Variants in SPATS2L observed in about 807,000 individuals in gnomAD.
The protein encoded by SPATS2L is spermatogenesis associated serine rich 2 like, also known as SPATS2-like protein.
SPATS2L carries 30 observed loss-of-function variants against 59.6 expected under a neutral mutation model. The ratio of observed to expected loss-of-function variants is 0.50; its 90% CI spans 0.38 to 0.68. The LOEUF is 0.68. Ranked by LOEUF, SPATS2L falls within the 30% of genes least tolerant of loss-of-function variation. The pLI, the probability that SPATS2L is intolerant of heterozygous loss-of-function variation, is 0.00. For missense variants in SPATS2L, 615 were observed against 700.0 expected (o/e 0.88, Z 1.37); for synonymous variants, 252 against 263.5 (o/e 0.96, Z 0.42).
chr2:200,457,149 G>A (rs549898894), intron 8 of SPATS2L, among the ~76,000 whole-genome samples: 15 of 151,920 alleles, frequency 9.9e-5, no homozygotes, highest in Admixed American at 2.6e-4. Flanking sequence ...AGCTTGTCTC[G>A]AACAGTCTTT....
At chr2:200,472,681 C>T in intron 11 of SPATS2L, 151 bp from the exon 12 acceptor site, 1 of 662,904 alleles carries the variant, frequency 1.5e-6, no homozygotes. Flanking sequence ...CACCAAGATG[C>T]CCTTTCAAAT....
rs1237509352 is a variant in SPATS2L at position 200,438,975 on chromosome 2, C to A, written c.446-147C>A. The stretch of plus-strand genomic sequence containing the variant: ...TACACCCTCTAATCTTCTGGGGATT[C>A]TTTTAAAACAGTTTCTTGACTGTTT... On this transcript the variant is annotated intron_variant, in intron 6 of 12. Coordinates refer to ENST00000409140, the MANE Select transcript of SPATS2L (RefSeq NM_001100423.2). 4.6e-6 allele frequency: 3 copies of A among 650,660 alleles called. No homozygotes were observed. In the East Asian group the frequency reaches 8.2e-5, roughly 18 times the overall value. The allele number at this position is 650,660 out of a possible 1,614,324, so 40.3% of individuals were successfully genotyped here. A position where few individuals can be genotyped will look rare whatever the true frequency, so the allele number is the denominator to read the frequency against.
intron 2 of SPATS2L, among the ~76,000 whole-genome samples, chr2:200,335,029 G>A (rs1028426631): frequency 1.8e-4 from 28 of 152,132 alleles, no homozygotes; most frequent in African/African-American, 6.8e-4. Flanking sequence ...CTTTAAAGTA[G>A]TTTTTTCCAA....
intron 1 of SPATS2L, among the ~76,000 whole-genome samples, chr2:200,310,184 C>T (rs976383756): frequency 7.2e-5 from 11 of 152,184 alleles, no homozygotes; most frequent in African/African-American, 2.4e-4. Flanking sequence ...CTAAAGACTA[C>T]ATGCTTGATA....
chr2:200,360,967 C>CTGTGTGTG (rs145080452), intron 2 of SPATS2L, among the ~76,000 whole-genome samples: 5,758 of 140,290 alleles, frequency 0.041, 145 homozygotes, highest in Non-Finnish European at 0.049. Context: ...CAGAACAGGG[C>CTGTGTGTG]TGTGTGTGTG....
chr2:200,351,267 A>T (rs994913614), intron 2 of SPATS2L: 10 of 471,542 alleles, frequency 2.1e-5, no homozygotes, highest in Non-Finnish European at 4.4e-5. Flanking sequence ...ACTAACCAAC[A>T]ATAGCAAGCT....
At chr2:200,339,165 G>A (rs1252971328) in intron 2 of SPATS2L, among the ~76,000 whole-genome samples, 1 of 152,174 alleles carries the variant, frequency 6.6e-6, no homozygotes, top group African/African-American at 2.4e-5. Flanking sequence ...TGTATATAGG[G>A]CAAAGAGTAA....
chr2:200,333,556 G>A (rs186710927), intron 2 of SPATS2L, among the ~76,000 whole-genome samples: 2 of 151,722 alleles, frequency 1.3e-5, no homozygotes, highest in African/African-American at 4.8e-5. Context: ...CAACGTGCAG[G>A]TTTGTTACAT....
intron 2 of SPATS2L, among the ~76,000 whole-genome samples, chr2:200,358,598 T>TG (rs1179959820): frequency 6.6e-6 from 1 of 151,684 alleles, no homozygotes; most frequent in African/African-American, 2.4e-5. Context: ...ATATTTCCTT[T>TG]TTTTTTTTTA....
intron 6 of SPATS2L, among the ~76,000 whole-genome samples, chr2:200,423,721 T>C (rs910748544): frequency 6.6e-6 from 1 of 152,234 alleles, no homozygotes; most frequent in African/African-American, 2.4e-5. Context: ...CAGGCTACTA[T>C]AGTGGAGCAT....
intron 6 of SPATS2L, among the ~76,000 whole-genome samples, chr2:200,433,189 AT>A (rs2084053600): frequency 6.6e-6 from 1 of 152,226 alleles, no homozygotes; most frequent in South Asian, 2.1e-4. Context: ...AAGCAGCAAT[AT>A]ATAGAACTAA....
chr2:200,472,754 TC>T, intron 11 of SPATS2L, 77 bp from the exon 12 acceptor site: 1 of 1,283,642 alleles, frequency 7.8e-7, no homozygotes, highest in Non-Finnish European at 1.1e-6. Context: ...TTCTTCATCT[TC>T]TAGCGCTTCC....
intron 7 of SPATS2L, among the ~76,000 whole-genome samples, chr2:200,440,233 T>C (rs2084602866): frequency 6.6e-6 from 1 of 152,228 alleles, no homozygotes; most frequent in Non-Finnish European, 1.5e-5. Context: ...CTCTATCTCA[T>C]TTGTACCTCT....
chr2:200,422,253 T>C (rs1339457079), intron 6 of SPATS2L, among the ~76,000 whole-genome samples: 1 of 152,192 alleles, frequency 6.6e-6, no homozygotes, highest in Non-Finnish European at 1.5e-5. Flanking sequence ...AAAGAGTAAA[T>C]GAGCCAGGCT....
chr2:200,416,473 AC>A (rs1212526484), intron 5 of SPATS2L, 45 bp downstream of exon 5: 21 of 1,137,944 alleles, frequency 1.8e-5, no homozygotes, highest in Non-Finnish European at 2.4e-5. Flanking sequence ...TTCAATCAAA[AC>A]CTTCATGGTT....
chr2:200,406,875 C>T (rs2082705478), intron 3 of SPATS2L, among the ~76,000 whole-genome samples: 1 of 152,092 alleles, frequency 6.6e-6, no homozygotes, highest in African/African-American at 2.4e-5. Flanking sequence ...GTTAACCACC[C>T]TAAAGATAGA....
At chr2:200,415,379 ATTTATC>A (rs886342606) in intron 4 of SPATS2L, among the ~76,000 whole-genome samples, 6 of 152,132 alleles carry the variant, frequency 3.9e-5, no homozygotes, top group African/African-American at 1.4e-4. Context: ...CCAGCCTGAA[ATTTATC>A]TTTGTTTGGC....
intron 1 of SPATS2L, among the ~76,000 whole-genome samples, chr2:200,310,842 C>A (rs186049693): frequency 6.6e-6 from 1 of 152,312 alleles, no homozygotes. Flanking sequence ...TGTGTCTCTT[C>A]TTTTTTTCTC....
Position 200,439,216 on chromosome 2 carries a change from A to G in SPATS2L, c.540A>G (p.Ser180=), listed in dbSNP as rs2084518647. 1 of 1,613,652 alleles carries G rather than the reference A, an allele frequency of 6.2e-7. No individual in the cohort carries two copies. The highest frequency in any genetic ancestry group is 1.3e-5 in the African/African-American group (1 of 74,918). ...AGAGGTCAGATGGCCTACAGTGGTC[A>G]GCTGAGCAGCCTTGTAACCCAAGCA... is the stretch of plus-strand genomic sequence containing the variant. The part of the protein sequence containing the change: ...TTERSDGLQW[S]AEQPCNPSKP... The change falls in exon 7 of 13, where the codon TCA becomes TCG. Residue 180 remains serine, a synonymous_variant. Transcript: ENST00000409140.
Sources: gnomAD v4.1 joint callset for allele counts (sites outside exome capture counted in the v4.1 genomes callset) on GRCh38, gnomAD v4.1.1 for gene constraint, MANE v1.5 for transcripts, NCBI Gene and HGNC (gene_info 2026-07-23, HGNC 2026-07-21) for gene names.